EMC1: variants seen among roughly 807,000 people sequenced by gnomAD.
The protein encoded by EMC1 is ER membrane protein complex subunit 1, also known as KIAA0090.
Under a neutral mutation model 128.8 loss-of-function variants are expected in EMC1, and 103 were observed. The ratio of observed to expected loss-of-function variants is 0.80; its 90% confidence interval spans 0.68 to 0.94. The LOEUF is 0.94. EMC1 is among the 40% of genes least tolerant of loss of function. The pLI is 0.00. For missense variants in EMC1, 1,083 were observed against 1,250.6 expected, an observed-to-expected ratio of 0.87 and a Z score of 2.02; for synonymous variants, 442 against 490.4, an observed-to-expected ratio of 0.90 and a Z score of 1.30.
intron 17 of EMC1, among the ~76,000 whole-genome samples, chr1:19,230,607 A>AC (rs2093513652): frequency 6.6e-6 from 1 of 152,256 alleles, no homozygotes; most frequent in African/African-American, 2.4e-5. Flanking sequence ...TGAAAGCTCC[A>AC]CAAGGGCAGA....
chr1:19,239,040 G>C (rs1441522878), intron 9 of EMC1, among the ~76,000 whole-genome samples, 183 bp from the exon 10 acceptor site: 1 of 152,134 alleles, frequency 6.6e-6, no homozygotes, highest in African/African-American at 2.4e-5. Flanking sequence ...TCACATTAGG[G>C]TCTCGTTCCT....
At chr1:19,231,680 G>C (rs550511547) in intron 15 of EMC1, among the ~76,000 whole-genome samples, 9 of 152,254 alleles carry the variant, frequency 5.9e-5, no homozygotes, top group Admixed American at 3.9e-4. Flanking sequence ...AAGTACAGTG[G>C]CATGATCAAG....
chr1:19,230,346 G>A (rs1364421590), intron 17 of EMC1, among the ~76,000 whole-genome samples: 1 of 152,096 alleles, frequency 6.6e-6, no homozygotes, highest in African/African-American at 2.4e-5. Context: ...TGAGGCAGGT[G>A]GATCACAAGG....
chr1:19,216,884 T>G lies in EMC1; in HGVS notation c.*2419A>C, dbSNP rs1177983463. 6.6e-6 allele frequency: 1 copy of G among 151,792 alleles called. No individual in the cohort carries two copies. Among genetic ancestry groups the G allele is most frequent in the Non-Finnish European group, 1.5e-5 (1 of 68,054 alleles). The allele number at this position is 151,792 out of a possible 1,614,324, so 9.4% of individuals were successfully genotyped here. A position where few individuals can be genotyped will look rare whatever the true frequency, so the allele number is the denominator to read the frequency against. On this transcript the variant is annotated 3_prime_UTR_variant, in exon 23 of 23. Transcript: ENST00000477853. ...TTTTTTTTATTTTTTGTAGATAGAG[T>G]CTTGCTATGTTGCCCAGGCTGGTCT... is the stretch of plus-strand genomic sequence containing the variant.
intron 20 of EMC1, 42 bp downstream of exon 20, chr1:19,222,582 C>T (rs2093440030): frequency 1.3e-6 from 2 of 1,581,594 alleles, no homozygotes; most frequent in Non-Finnish European, 1.7e-6. Context: ...GTGTGGTTGC[C>T]CAAGGGAACC....
intron 1 of EMC1, 50 bp from the exon 2 acceptor site, chr1:19,245,080 C>T (rs2093625944): frequency 6.2e-7 from 1 of 1,602,648 alleles, no homozygotes; most frequent in South Asian, 1.1e-5. Context: ...ATCACCATTC[C>T]ACAAAATGCT....
intron 13 of EMC1, among the ~76,000 whole-genome samples, chr1:19,234,771 G>A (rs1293989799): frequency 6.6e-6 from 1 of 152,112 alleles, no homozygotes; most frequent in Non-Finnish European, 1.5e-5. Flanking sequence ...GCTTGAACCT[G>A]GGAGGCAGAG....
At position 19,240,393 on chromosome 1, in the gene EMC1, C is replaced by T; in HGVS notation, c.690G>A (p.Val230=). 6.2e-7 allele frequency: 1 copy of T among 1,614,200 alleles called. No homozygotes were observed. Among genetic ancestry groups the T allele is most frequent in the South Asian group, 1.1e-5 (1 of 91,092 alleles). ...LQHLSGACGV[V]DEAVLVCPDP... ...CAGGACACACCAGGACAGCCTCATCCACCACACCACAGGCTCCAGACAGGT... is the reference window on the plus strand; with the variant it reads ...CAGGACACACCAGGACAGCCTCATCTACCACACCACAGGCTCCAGACAGGT... Residue 230 remains valine (V), a synonymous_variant, in exon 7 of 23, where the codon GTG becomes GTA. Coordinates refer to ENST00000477853, the MANE Select transcript of EMC1 (RefSeq NM_015047.3).
chr1:19,219,210 C>G lies in EMC1; in HGVS notation c.*93G>C. 7.8e-7 allele frequency: 1 copy of G among 1,282,054 alleles called. No homozygotes were observed. Among genetic ancestry groups the G allele is most frequent in the Non-Finnish European group, 1.1e-6 (1 of 895,238 alleles). 79.4% of individuals were successfully genotyped at this position (1,282,054 alleles called of 1,614,324 possible). A position where few individuals can be genotyped will look rare whatever the true frequency, so the allele number is the denominator to read the frequency against. ...GTTCTTAGCTGAGCACTGACACACA[C>G]ACATACTCCACCAATCCACCAAACT... On this transcript the variant is annotated 3_prime_UTR_variant, in exon 23 of 23. Coordinates refer to ENST00000477853, the MANE Select transcript of EMC1 (RefSeq NM_015047.3).
At chr1:19,231,691 G>T (rs952644260) in intron 15 of EMC1, among the ~76,000 whole-genome samples, 1 of 152,126 alleles carries the variant, frequency 6.6e-6, no homozygotes, top group Non-Finnish European at 1.5e-5. Context: ...CATGATCAAG[G>T]CTCACTGCAA....
rs759757150 is a variant in EMC1 at position 19,223,562 on chromosome 1, T to G, written c.2210A>C (p.Asn737Thr). Residue 737 changes from asparagine (N) to threonine (T), a missense_variant, in exon 19 of 23, where the codon AAC (asparagine) becomes ACC (threonine). Physicochemically the swap from Asn to Thr is moderately conservative, Grantham distance 65. Around this residue, in one of 3 missense-constraint regions of EMC1, gnomAD observed 527 missense variants for 644.1 expected, o/e 0.82. Transcript: ENST00000477853. ...TGTCACCACGGCCAGCAGGTTGGGG[T>G]TCAGGCTCTGGAGAGAGAGAGAAAA... is the stretch of plus-strand genomic sequence containing the variant. ...GDRSVLYKSL[N>T]PNLLAVVTES... is the part of the protein sequence containing the mutation. 5.0e-6 allele frequency: 8 copies of G among 1,613,862 alleles called. No homozygotes were observed. The highest frequency in any genetic ancestry group is 6.8e-6 in the Non-Finnish European group (8 of 1,180,008).
rs144434630 is a variant in EMC1 at position 19,234,457 on chromosome 1, C to A, written c.1432+673G>T. Among the ~76,000 whole-genome samples the A allele has an allele frequency of 2.0e-3, 307 of 152,270 alleles. 1 individual carries two copies. Among genetic ancestry groups the A allele is most frequent in the Non-Finnish European group, 3.4e-3 (230 of 68,026 alleles). ...ACCCAGATCAACCCAATGGTGTCTC[C>A]AGACAGATATGGCTGCTGCTTTAGG... On this transcript the variant is annotated intron_variant, in intron 13 of 22. Coordinates refer to ENST00000477853, the MANE Select transcript of EMC1 (RefSeq NM_015047.3).
intron 4 of EMC1, 36 bp from the exon 5 acceptor site, chr1:19,242,509 T>A: frequency 6.2e-7 from 1 of 1,612,874 alleles, no homozygotes; most frequent in South Asian, 1.1e-5. Flanking sequence ...AGCCCACACC[T>A]GCAGAGCCTC....
intron 8 of EMC1, 38 bp downstream of exon 8, chr1:19,239,780 T>G: frequency 6.2e-7 from 1 of 1,603,204 alleles, no homozygotes; most frequent in Non-Finnish European, 8.5e-7. Context: ...CTTGGAGAGA[T>G]CTCCTGAATC....
chr1:19,237,014 C>A, intron 12 of EMC1, 128 bp downstream of exon 12: 46 of 533,626 alleles, frequency 8.6e-5, no homozygotes, highest in Middle Eastern at 3.9e-4. Flanking sequence ...TGGCTATGAA[C>A]GAAACACTCA....
intron 6 of EMC1, 88 bp from the exon 7 acceptor site, chr1:19,240,534 C>A: frequency 1.4e-6 from 2 of 1,448,276 alleles, no homozygotes; most frequent in South Asian, 1.2e-5. Context: ...GCCAGCATCC[C>A]ACTGGGGGTC....
At chr1:19,226,121 T>C (rs1165018121) in intron 18 of EMC1, among the ~76,000 whole-genome samples, 1 of 152,196 alleles carries the variant, frequency 6.6e-6, no homozygotes, top group African/African-American at 2.4e-5. Flanking sequence ...CCCCCTCCAA[T>C]TCAGTCTCTG....
chr1:19,234,236 G>A lies in EMC1; in HGVS notation c.1432+894C>T, dbSNP rs2093546338. On this transcript the variant is annotated intron_variant, in intron 13 of 22. Coordinates refer to ENST00000477853, the MANE Select transcript of EMC1 (RefSeq NM_015047.3). Reference sequence around the variant, plus strand: ...AACAGTAAAGTCAAATTAATCCTCAGCTTAAGAAAATGTGCATTGCCTAGC... The same window carrying A: ...AACAGTAAAGTCAAATTAATCCTCAACTTAAGAAAATGTGCATTGCCTAGC... 12 of 976,462 alleles carry A rather than the reference G, an allele frequency of 1.2e-5. No individual in the cohort carries two copies. The South Asian group carries it at 4.7e-4, about 38-fold the overall frequency. The allele number at this position is 976,462 out of a possible 1,614,324, so 60.5% of individuals were successfully genotyped here.
chr1:19,240,582 G>A, intron 6 of EMC1, 136 bp from the exon 7 acceptor site: 3 of 924,860 alleles, frequency 3.2e-6, no homozygotes, highest in South Asian at 1.7e-5. Flanking sequence ...TTGTATAGGA[G>A]TTCTTCCTGT....
Sources: allele counts gnomAD v4.1 joint callset (sites outside exome capture counted in the v4.1 genomes callset), GRCh38; gene constraint gnomAD v4.1.1; regional missense constraint gnomAD v4.1.1; transcripts MANE v1.5; gene names NCBI Gene and HGNC (gene_info 2026-07-23, HGNC 2026-07-21).